Variants in SYNJ1 observed in about 807,000 individuals in gnomAD.
SYNJ1 encodes the protein polyphosphatidylinositol phosphatase SYNJ1.
A neutral mutation model predicts 168.2 loss-of-function variants in SYNJ1; 78 were observed. That is an observed-to-expected ratio of 0.46 (90% CI 0.39 to 0.56). SYNJ1 has a LOEUF of 0.56. SYNJ1 is among the 20% of genes least tolerant of loss of function. The pLI, the probability that SYNJ1 is intolerant of heterozygous loss-of-function variation, is 0.00. For missense variants in SYNJ1, 1,303 were observed against 1,597.6 expected (o/e 0.82, Z 3.14); for synonymous variants, 539 against 548.6 (o/e 0.98, Z 0.24).
intron 21 of SYNJ1, chr21:32,653,904 T>A (rs1413823546): frequency 6.6e-6 from 1 of 152,084 alleles, no homozygotes; most frequent in East Asian, 1.9e-4. Flanking sequence ...CTTTCATCAT[T>A]GACAAACATT....
chr21:32,651,625 C>T (rs1414437227), intron 22 of SYNJ1, among the ~76,000 whole-genome samples: 1 of 152,144 alleles, frequency 6.6e-6, no homozygotes, highest in Admixed American at 6.5e-5. Context: ...TCTTAAATAC[C>T]TATCACCATA....
chr21:32,675,329 T>C (rs946611912), intron 13 of SYNJ1, among the ~76,000 whole-genome samples: 12 of 151,662 alleles, frequency 7.9e-5, no homozygotes, highest in Admixed American at 4.6e-4. Flanking sequence ...AGATAAAAAA[T>C]AGTCCTAGTT....
chr21:32,708,746 C>T (rs2042707824), intron 2 of SYNJ1, among the ~76,000 whole-genome samples: 1 of 151,808 alleles, frequency 6.6e-6, no homozygotes, highest in Non-Finnish European at 1.5e-5. Context: ...TTCATTCATA[C>T]CTTTTCTTAG....
chr21:32,715,323 A>G (rs930210557), intron 2 of SYNJ1, among the ~76,000 whole-genome samples: 3 of 152,086 alleles, frequency 2.0e-5, no homozygotes, highest in African/African-American at 7.2e-5. Flanking sequence ...GAGATACAAA[A>G]ATCAGCTGGG....
chr21:32,676,365 C>A lies in SYNJ1; in HGVS notation c.1511-10G>T. On this transcript the variant is annotated splice_polypyrimidine_tract_variant and intron_variant, in intron 12 of 32. Transcript: ENST00000674351. ...AATGTCTGCTCAGAAACTATGGATG[C>A]AACAAGAAGAAAACAAAGAATCATT... 1 of 1,604,562 alleles carries A rather than the reference C, an allele frequency of 6.2e-7. No individual in the cohort carries two copies. Among genetic ancestry groups the A allele is most frequent in the Non-Finnish European group, 8.5e-7 (1 of 1,175,144 alleles).
chr21:32,660,528 A>G (rs1293143374), intron 18 of SYNJ1, among the ~76,000 whole-genome samples: 1 of 152,254 alleles, frequency 6.6e-6, no homozygotes, highest in African/African-American at 2.4e-5. Context: ...GGGACCAGCC[A>G]TGGGCATCAG....
chr21:32,693,812 G>C (rs895120482), intron 6 of SYNJ1, among the ~76,000 whole-genome samples: 1 of 152,124 alleles, frequency 6.6e-6, no homozygotes, highest in Non-Finnish European at 1.5e-5. Flanking sequence ...ATTTGCCCAA[G>C]ATCACACAGC....
chr21:32,631,930 T>A (rs1179578605), intron 32 of SYNJ1, 129 bp from the exon 33 acceptor site: 4 of 832,434 alleles, frequency 4.8e-6, no homozygotes, highest in Non-Finnish European at 7.2e-6. Flanking sequence ...AGTAGCTTTG[T>A]GTAGTTTGTT....
intron 31 of SYNJ1, among the ~76,000 whole-genome samples, chr21:32,636,418 C>G (rs1296776086): frequency 6.6e-6 from 1 of 152,044 alleles, no homozygotes; most frequent in Non-Finnish European, 1.5e-5. Context: ...AAAACTGGGT[C>G]ATATACATTA....
At chr21:32,634,807 C>G in intron 32 of SYNJ1, 54 bp downstream of exon 32, 2 of 1,586,530 alleles carry the variant, frequency 1.3e-6, no homozygotes, top group Non-Finnish European at 1.7e-6. Context: ...ATTCATACAT[C>G]TAATGTGTTG....
chr21:32,704,406 G>A (rs1569116764), intron 2 of SYNJ1, among the ~76,000 whole-genome samples: 1 of 152,186 alleles, frequency 6.6e-6, no homozygotes, highest in Non-Finnish European at 1.5e-5. Flanking sequence ...ATTTGTATCT[G>A]AAGGACAGTA....
At chr21:32,685,985 T>A in intron 8 of SYNJ1, 68 bp from the exon 9 acceptor site, 2 of 1,497,256 alleles carry the variant, frequency 1.3e-6, no homozygotes, top group Non-Finnish European at 1.8e-6. Flanking sequence ...TAAATATTCA[T>A]CACATTTCAT....
chr21:32,715,473 C>CAA (rs879789278), intron 2 of SYNJ1, among the ~76,000 whole-genome samples: 7 of 118,178 alleles, frequency 5.9e-5, no homozygotes, highest in African/African-American at 1.9e-4. Flanking sequence ...GACTCTGTCT[C>CAA]AAAAAAAAAA....
intron 2 of SYNJ1, among the ~76,000 whole-genome samples, chr21:32,707,183 T>C (rs756852072): frequency 1.8e-4 from 27 of 152,312 alleles, no homozygotes; most frequent in Non-Finnish European, 2.6e-4. Flanking sequence ...TCCCAAAGAT[T>C]TTCCCTGATC....
At chr21:32,644,041 A>G (rs1402330316) in intron 26 of SYNJ1, among the ~76,000 whole-genome samples, 2 of 152,248 alleles carry the variant, frequency 1.3e-5, no homozygotes, top group Non-Finnish European at 2.9e-5. Context: ...AACTTTTGAC[A>G]GATTCATTTT....
chr21:32,726,521 A>AAGC (rs2146430244), intron 2 of SYNJ1, among the ~76,000 whole-genome samples: 1 of 152,344 alleles, frequency 6.6e-6, no homozygotes, highest in East Asian at 1.9e-4. Flanking sequence ...TTACTTTTAG[A>AAGC]AGCAGCAGCA....
chr21:32,646,253 C>CA, intron 24 of SYNJ1, 140 bp downstream of exon 24: 1 of 800,072 alleles, frequency 1.2e-6, no homozygotes, highest in East Asian at 2.5e-5. Context: ...GAGAGCTTAT[C>CA]ATCTACAAGT....
At chr21:32,644,469 G>A (rs1338301000) in intron 26 of SYNJ1, among the ~76,000 whole-genome samples, 1 of 152,210 alleles carries the variant, frequency 6.6e-6, no homozygotes, top group Non-Finnish European at 1.5e-5. Flanking sequence ...ATCTTTTCTT[G>A]AGATTTAGAT....
rs368850131 is a variant in SYNJ1, at chr21:32,645,668, T to C, written c.3369A>G (p.Pro1123=). The C allele has an allele frequency of 2.9e-3, 4,402 of 1,525,346 alleles. 9 individuals carry two copies. Among genetic ancestry groups the C allele is most frequent in the Non-Finnish European group, 3.6e-3 (4,163 of 1,142,318 alleles). The allele number at this position is 1,525,346 out of a possible 1,614,324, so 94.5% of individuals were successfully genotyped here. A position where few individuals can be genotyped will look rare whatever the true frequency, so the allele number is the denominator to read the frequency against. The change falls in exon 25 of 33, where the codon CCA becomes CCG. Residue 1123 remains proline, a synonymous_variant. Transcript: ENST00000674351. The part of the protein sequence containing the change: ...PVAPPTRPAP[P]QRPPPPSGAR... ...CACCTGAAGGCGGAGGAGGTCTCTGTGGGGGAGCCGGGCGTGTGGGAGGGG... is the reference window on the plus strand; with the variant it reads ...CACCTGAAGGCGGAGGAGGTCTCTGCGGGGGAGCCGGGCGTGTGGGAGGGG...
Sources: gnomAD v4.1 joint callset for allele counts (sites outside exome capture counted in the v4.1 genomes callset) on GRCh38, gnomAD v4.1.1 for gene constraint, MANE v1.5 for transcripts, NCBI Gene and HGNC (gene_info 2026-07-23, HGNC 2026-07-21) for gene names.